The following HSPD1 variants were observed in gnomAD, a reference collection of about 807,000 sequenced individuals.
The protein encoded by HSPD1 is heat shock protein family D (Hsp60) member 1.
HSPD1 carries 3 observed loss-of-function variants against 53.0 expected under a neutral mutation model. The ratio of observed to expected loss-of-function variants is 0.06; its 90% confidence interval spans 0.03 to 0.15. The LOEUF (loss-of-function observed/expected upper bound fraction) is 0.15, where lower values mean the gene tolerates loss of function less well. HSPD1 is among the 10% of genes least tolerant of loss of function. The pLI is 1.00. For synonymous variants in HSPD1, 200 were observed against 228.0 expected (o/e 0.88, Z 1.10); for missense variants, 431 against 694.1 (o/e 0.62, Z 4.26).
chr2:197,489,509 C>G (rs1318871923), intron 8 of HSPD1, among the ~76,000 whole-genome samples: 3 of 152,120 alleles, frequency 2.0e-5, no homozygotes, highest in Non-Finnish European at 4.4e-5. Flanking sequence ...ACTGGTAGAG[C>G]CAGGACAAGA....
At position 197,488,996 on chromosome 2, in the gene HSPD1, T is replaced by A; in HGVS notation, c.1215+6A>T. 6.2e-7 allele frequency: 1 copy of A among 1,613,984 alleles called. No individual in the cohort carries two copies. Among genetic ancestry groups the A allele is most frequent in the Non-Finnish European group, 8.5e-7 (1 of 1,179,850 alleles). ...CAAGAAACTTATTCATAATAATGAATGTTACCTTCAGCACAGCCACTCCAT... is the reference window on the plus strand; with the variant it reads ...CAAGAAACTTATTCATAATAATGAAAGTTACCTTCAGCACAGCCACTCCAT... On this transcript the variant is annotated splice_donor_region_variant and intron_variant, in intron 9 of 11. Transcript: ENST00000388968.
intron 2 of HSPD1, 172 bp from the exon 3 acceptor site, chr2:197,497,564 C>A: frequency 1.5e-6 from 1 of 657,852 alleles, no homozygotes; most frequent in South Asian, 1.9e-5. Flanking sequence ...CATTCTTTGT[C>A]TACAGACAAA....
At chr2:197,490,081 C>G in intron 8 of HSPD1, 116 bp downstream of exon 8, 2 of 840,232 alleles carry the variant, frequency 2.4e-6, no homozygotes, top group South Asian at 2.8e-5. Context: ...CCCTACCTTC[C>G]AAAGAGCCAA....
At position 197,489,245 on chromosome 2, in the gene HSPD1, C is replaced by T. The variant is rs758652542; in HGVS notation, c.972G>A (p.Val324=). The change falls in exon 9 of 12, where the codon GTG becomes GTA. Residue 324 remains valine (V), a splice_region_variant and synonymous_variant. Coordinates refer to ENST00000388968, the MANE Select transcript of HSPD1 (RefSeq NM_002156.5). The stretch of plus-strand genomic sequence containing the variant: ...TCAGGGTCAATCCCTCTTCTCCAAA[C>T]ACCTACAAAAAGAGTTAAACGTAAA... The part of the protein sequence containing the change: ...KDMAIATGGA[V]FGEEGLTLNL... 4 of 1,614,178 alleles carry T rather than the reference C, an allele frequency of 2.5e-6. No individual in the cohort carries two copies. The highest frequency in any genetic ancestry group is 2.2e-5 in the South Asian group (2 of 91,088).
In HSPD1 at chr2:197,498,652, CAATAA is replaced by C; in HGVS notation, c.174+18_174+22del. ...AATGCTATTAATAATACCGTAATTA[CAATAA>C]AATAAAAATACTGGTACCTTTGGCC... On this transcript the variant is annotated intron_variant, in intron 2 of 11. Coordinates refer to ENST00000388968, the MANE Select transcript of HSPD1 (RefSeq NM_002156.5). 1 of 1,602,124 alleles carries C rather than the reference CAATAA, an allele frequency of 6.2e-7. No individual in the cohort carries two copies. Among genetic ancestry groups the C allele is most frequent in the Non-Finnish European group, 8.6e-7 (1 of 1,169,230 alleles).
In HSPD1 at chr2:197,488,284, G is replaced by A. The variant is rs2086050980; in HGVS notation, c.1390+33C>T. 2.5e-6 allele frequency: 4 copies of A among 1,597,836 alleles called. 1 individual carries two copies. The Admixed American group carries it at 5.0e-5, about 20-fold the overall frequency. On this transcript the variant is annotated intron_variant, in intron 10 of 11. Coordinates refer to ENST00000388968, the MANE Select transcript of HSPD1 (RefSeq NM_002156.5). Reference sequence around the variant, plus strand: ...ATTATTCTAAGAAAAACTAAAATCAGGCCACAAACTCATTTAAAAGGTAAC... The same window carrying A: ...ATTATTCTAAGAAAAACTAAAATCAAGCCACAAACTCATTTAAAAGGTAAC...
At position 197,497,410 on chromosome 2, in the gene HSPD1, A is replaced by G. The variant is rs1307988233; in HGVS notation, c.175-18T>C. The stretch of plus-strand genomic sequence containing the variant: ...GTTCTTCCCTAGAAGAAAAAAATGT[A>G]ACAGGATCAGACATACCCTAAGGAT... On this transcript the variant is annotated intron_variant, in intron 2 of 11. Transcript: ENST00000388968. 125 of 1,612,662 alleles carry G rather than the reference A, an allele frequency of 7.8e-5. No homozygotes were observed. Among genetic ancestry groups the G allele is most frequent in the Non-Finnish European group, 1.1e-4 (125 of 1,178,724 alleles).
chr2:197,493,300 T>G (rs757388362), intron 7 of HSPD1, 24 bp downstream of exon 7: 17 of 1,596,756 alleles, frequency 1.1e-5, no homozygotes, highest in Non-Finnish European at 1.4e-5. Context: ...GAAATATAAA[T>G]CAACAAATAC....
intron 4 of HSPD1, 167 bp from the exon 5 acceptor site, chr2:197,494,919 C>T (rs551123861): frequency 9.2e-6 from 6 of 649,090 alleles, no homozygotes; most frequent in East Asian, 5.5e-5. Flanking sequence ...TGCTCTTTTC[C>T]GATTCATTAT....
intron 2 of HSPD1, among the ~76,000 whole-genome samples, chr2:197,497,686 G>GAA (rs1277633458): frequency 7.9e-5 from 12 of 152,288 alleles, no homozygotes; most frequent in Admixed American, 2.0e-4. Context: ...ACAAGACAAA[G>GAA]AATAAAACAA....
At chr2:197,499,844 G>C (rs1372694508), upstream of HSPD1, 1 of 152,324 alleles carries the variant, frequency 6.6e-6, no homozygotes, top group Non-Finnish European at 1.5e-5. Flanking sequence ...GTGAGGGACA[G>C]AGTGCAGGGC....
chr2:197,489,126 T>C lies in HSPD1; in HGVS notation c.1091A>G (p.Lys364Arg), dbSNP rs1305733006. The C allele has an allele frequency of 5.6e-6, 9 of 1,614,084 alleles. No individual in the cohort carries two copies. The highest frequency in any genetic ancestry group is 1.1e-5 in the South Asian group (1 of 91,076). ...DAMLLKGKGD[K>R]AQIEKRIQEI... ...TTGAATACGTTTTTCAATTTGAGCCTTGTCACCTTTTCCTTTTAAGAGCAT... is the reference window on the plus strand; with the variant it reads ...TTGAATACGTTTTTCAATTTGAGCCCTGTCACCTTTTCCTTTTAAGAGCAT... The change falls in exon 9 of 12, where the codon AAG becomes AGG. Residue 364 changes from lysine to arginine, a missense_variant. Lys to Arg is a conservative substitution (Grantham distance 26). Transcript: ENST00000388968.
chr2:197,494,642 TACAA>T lies in HSPD1; in HGVS notation c.606+11_606+14del, dbSNP rs759347943. On this transcript the variant is annotated intron_variant, in intron 5 of 11. Transcript: ENST00000388968. ...GATAACTCAAAATTATCTTTAAAAATACAAACACACTTGCCTTTACTGTGATGAC... is the reference window on the plus strand; with the variant it reads ...GATAACTCAAAATTATCTTTAAAAATACACACTTGCCTTTACTGTGATGAC... The T allele has an allele frequency of 5.4e-5, 81 of 1,506,142 alleles. No individual in the cohort carries two copies. The highest frequency in any genetic ancestry group is 7.2e-5 in the Non-Finnish European group (78 of 1,082,054). 93.3% of individuals were successfully genotyped at this position (1,506,142 alleles called of 1,614,324 possible).
chr2:197,499,615 C>T (rs2086215134), intron 1 of HSPD1, among the ~76,000 whole-genome samples, 167 bp downstream of exon 1: 1 of 152,150 alleles, frequency 6.6e-6, no homozygotes, highest in Non-Finnish European at 1.5e-5. Context: ...CGTGATGGAA[C>T]CCGCATGGAC....
chr2:197,492,782 C>T (rs1439609541), intron 7 of HSPD1, among the ~76,000 whole-genome samples: 3 of 151,752 alleles, frequency 2.0e-5, no homozygotes, highest in Admixed American at 6.6e-5. Context: ...GAGGCTGAGG[C>T]GGGCGGATCA....
rs1162569801 is a variant in HSPD1 at position 197,493,861 on chromosome 2, G to A, written c.700+296C>T. 2.0e-5 allele frequency among the ~76,000 whole-genome samples: 3 copies of A among 152,306 alleles called. No homozygotes were observed. The East Asian group carries it at 5.8e-4, about 29-fold the overall frequency. On this transcript the variant is annotated intron_variant, in intron 6 of 11. Coordinates refer to ENST00000388968, the MANE Select transcript of HSPD1 (RefSeq NM_002156.5). ...CATACCTATAATCCCAGCACTTTGG[G>A]AGGCCAAGGTGGGTGGATCACCTGA...
chr2:197,497,423 A>C, intron 2 of HSPD1, 31 bp from the exon 3 acceptor site: 1 of 1,608,268 alleles, frequency 6.2e-7, no homozygotes, highest in Middle Eastern at 1.7e-4. Flanking sequence ...AGGATCAGAC[A>C]TACCCTAAGG....
rs1222762890 is a variant in HSPD1 at position 197,497,034 on chromosome 2, GAGA to G, written c.427+103_427+105del. On this transcript the variant is annotated intron_variant, in intron 3 of 11. Transcript: ENST00000388968. ...TTCTCCAGGCCAAGAGGAGGAATGA[GAGA>G]AGGATTAATTTCCTCAAGTTAACAC... The G allele has an allele frequency of 3.5e-6, 4 of 1,152,204 alleles. No homozygotes were observed. The Admixed American group carries it at 7.1e-5, about 20-fold the overall frequency. 71.4% of individuals were successfully genotyped at this position (1,152,204 alleles called of 1,614,324 possible). A position where few individuals can be genotyped will look rare whatever the true frequency, so the allele number is the denominator to read the frequency against.
At chr2:197,493,592 AGT>A in intron 6 of HSPD1, 100 bp from the exon 7 acceptor site, 1 of 856,972 alleles carries the variant, frequency 1.2e-6, no homozygotes, top group South Asian at 1.5e-5. Flanking sequence ...AAAATTCACC[AGT>A]GAGTTGGTTT....
Sources: gnomAD v4.1 joint callset for allele counts (sites outside exome capture counted in the v4.1 genomes callset) on GRCh38, gnomAD v4.1.1 for gene constraint, MANE v1.5 for transcripts, NCBI Gene and HGNC (gene_info 2026-07-23, HGNC 2026-07-21) for gene names.